Variants in NUMB observed in about 807,000 individuals in gnomAD.
NUMB encodes the protein protein numb homolog.
A neutral mutation model predicts 59.7 loss-of-function variants in NUMB; 29 were observed. The ratio of observed to expected loss-of-function variants is 0.49; its 90% CI spans 0.36 to 0.66. The LOEUF is 0.66. NUMB is among the 30% of genes least tolerant of loss of function. The pLI is 0.00. For missense variants in NUMB, 723 were observed against 822.0 expected, an observed-to-expected ratio of 0.88 and a Z score of 1.47; for synonymous variants, 288 against 288.2, an observed-to-expected ratio of 1.00 and a Z score of 0.01.
At chr14:73,290,521 T>C (rs1408804503) in intron 8 of NUMB, among the ~76,000 whole-genome samples, 1 of 152,244 alleles carries the variant, frequency 6.6e-6, no homozygotes, top group Non-Finnish European at 1.5e-5. Context: ...GCTCTTAGCA[T>C]TTGTTTACAC....
chr14:73,447,675 CA>C (rs200212444), intron 1 of NUMB, among the ~76,000 whole-genome samples: 4,798 of 105,334 alleles, frequency 0.046, 155 homozygotes, highest in African/African-American at 0.12. Flanking sequence ...CTCATCTCTA[CA>C]AAAAAAAAAA....
intron 5 of NUMB, among the ~76,000 whole-genome samples, chr14:73,320,410 T>A (rs1248085966): frequency 6.6e-6 from 1 of 152,178 alleles, no homozygotes; most frequent in East Asian, 1.9e-4. Context: ...TATTATTTAT[T>A]TTTATAGAGA....
At position 73,292,884 on chromosome 14, in the gene NUMB, A is replaced by G. The variant is rs1333805964; in HGVS notation, c.310-10T>C. The stretch of plus-strand genomic sequence containing the variant: ...GGTCAACTATGAGGTCCTAGAAAAT[A>G]CGACACACAAAGAAAGAGAAGACTT... On this transcript the variant is annotated splice_polypyrimidine_tract_variant and intron_variant, in intron 7 of 12. Coordinates refer to ENST00000555238, the MANE Select transcript of NUMB (RefSeq NM_001005743.2). 1.2e-6 allele frequency: 2 copies of G among 1,613,698 alleles called. No individual in the cohort carries two copies. Among genetic ancestry groups the G allele is most frequent in the East Asian group, 4.5e-5 (2 of 44,882 alleles).
intron 2 of NUMB, among the ~76,000 whole-genome samples, chr14:73,373,698 A>G (rs1361883348): frequency 2.0e-5 from 3 of 149,700 alleles, no homozygotes; most frequent in Non-Finnish European, 3.0e-5. Flanking sequence ...TGAGAAAGGA[A>G]AGCTTCCTTT....
intron 2 of NUMB, among the ~76,000 whole-genome samples, chr14:73,401,034 T>C (rs541201928): frequency 1.1e-4 from 17 of 152,216 alleles, no homozygotes; most frequent in Admixed American, 6.5e-4. Context: ...GGACACAACG[T>C]GGGGCTTGCA....
intron 2 of NUMB, among the ~76,000 whole-genome samples, chr14:73,403,394 G>GT (rs1396188713): frequency 6.6e-6 from 1 of 152,156 alleles, no homozygotes; most frequent in Non-Finnish European, 1.5e-5. Context: ...TTAACTGTAA[G>GT]TAACTTCCTG....
At chr14:73,278,051 A>AC (rs1295071569) in intron 12 of NUMB, among the ~76,000 whole-genome samples, 30 of 148,268 alleles carry the variant, frequency 2.0e-4, no homozygotes, top group Non-Finnish European at 3.7e-4. Flanking sequence ...GTCTCAAAAA[A>AC]AAAAAAAAAA....
At position 73,290,460 on chromosome 14, in the gene NUMB, C is replaced by G. The variant is rs528142451; in HGVS notation, c.450+2274G>C. ...AAGTAACTTGCCCCAAATCCCACAG[C>G]TAGTAAGAACCAGAATCAGAACTGA... On this transcript the variant is annotated intron_variant, in intron 8 of 12. Transcript: ENST00000555238. 7.9e-5 allele frequency among the ~76,000 whole-genome samples: 12 copies of G among 152,310 alleles called. No individual in the cohort carries two copies. The South Asian group carries it at 2.3e-3, about 29-fold the overall frequency.
At chr14:73,330,426 T>C (rs1891900083) in intron 4 of NUMB, among the ~76,000 whole-genome samples, 2 of 152,232 alleles carry the variant, frequency 1.3e-5, no homozygotes. Context: ...TCAGAAATTT[T>C]GTTGCTCTCA....
intron 3 of NUMB, among the ~76,000 whole-genome samples, chr14:73,357,708 A>G (rs544344629): frequency 1.4e-4 from 22 of 152,330 alleles, no homozygotes; most frequent in African/African-American, 5.3e-4. Flanking sequence ...GGTTGCAGTA[A>G]GCCGAGATTG....
intron 1 of NUMB, among the ~76,000 whole-genome samples, chr14:73,413,648 C>G (rs949917149): frequency 6.6e-6 from 1 of 151,814 alleles, no homozygotes; most frequent in Non-Finnish European, 1.5e-5. Context: ...GTCCCAGCTA[C>G]TCAGGAGGCT....
chr14:73,400,715 A>G (rs1179282637), intron 2 of NUMB, among the ~76,000 whole-genome samples: 1 of 152,192 alleles, frequency 6.6e-6, no homozygotes, highest in East Asian at 1.9e-4. Flanking sequence ...CAATGACTTA[A>G]TCAATCATGC....
At chr14:73,410,937 T>C (rs996064081) in intron 1 of NUMB, among the ~76,000 whole-genome samples, 1 of 152,322 alleles carries the variant, frequency 6.6e-6, no homozygotes, top group South Asian at 2.1e-4. Context: ...AATAGGGAAA[T>C]AGACACATAT....
chr14:73,422,936 C>T (rs566645831), intron 1 of NUMB, among the ~76,000 whole-genome samples: 1 of 149,952 alleles, frequency 6.7e-6, no homozygotes, highest in Non-Finnish European at 1.5e-5. Flanking sequence ...CTGTTATATT[C>T]CCAGATGTTA....
intron 1 of NUMB, among the ~76,000 whole-genome samples, chr14:73,420,595 G>A (rs142093336): frequency 1.9e-4 from 29 of 152,196 alleles, no homozygotes; most frequent in African/African-American, 5.5e-4. Flanking sequence ...CAACGCACGC[G>A]GATTGCTTGA....
At chr14:73,315,719 A>C (rs1421664096) in intron 6 of NUMB, among the ~76,000 whole-genome samples, 1 of 152,134 alleles carries the variant, frequency 6.6e-6, no homozygotes, top group African/African-American at 2.4e-5. Flanking sequence ...TTTTACTCAA[A>C]TATTTCTTCC....
At chr14:73,289,083 T>C (rs1423901752) in intron 8 of NUMB, among the ~76,000 whole-genome samples, 1 of 152,086 alleles carries the variant, frequency 6.6e-6, no homozygotes, top group Non-Finnish European at 1.5e-5. Flanking sequence ...TGTCTCCCCT[T>C]TCTGAATCCC....
At chr14:73,339,884 C>T (rs914565136) in intron 4 of NUMB, among the ~76,000 whole-genome samples, 7 of 152,064 alleles carry the variant, frequency 4.6e-5, no homozygotes, top group African/African-American at 1.7e-4. Flanking sequence ...AAAACCTTCA[C>T]AGGGCAGGCT....
At chr14:73,420,592 C>G (rs1030737710) in intron 1 of NUMB, among the ~76,000 whole-genome samples, 1 of 152,182 alleles carries the variant, frequency 6.6e-6, no homozygotes, top group South Asian at 2.1e-4. Context: ...TGCCAACGCA[C>G]GCGGATTGCT....
Sources: gnomAD v4.1 joint callset for allele counts (sites outside exome capture counted in the v4.1 genomes callset) on GRCh38, gnomAD v4.1.1 for gene constraint, MANE v1.5 for transcripts, NCBI Gene and HGNC (gene_info 2026-07-23, HGNC 2026-07-21) for gene names.